Variants in KLF12 observed in about 807,000 individuals in gnomAD.
KLF12 encodes Krueppel-like factor 12.
In KLF12, 9 loss-of-function variants were observed where a neutral mutation model predicts 37.8. The observed-to-expected ratio is 0.24, with a 90% CI of 0.14 to 0.42. The LOEUF is 0.42. KLF12 is among the 10% of genes least tolerant of loss of function. The pLI is 1.00. For missense variants in KLF12, 411 were observed against 516.0 expected, an observed-to-expected ratio of 0.80 and a Z score of 1.97; for synonymous variants, 208 against 202.1, an observed-to-expected ratio of 1.03 and a Z score of -0.25.
chr13:73,996,313 A>C (rs1292468410), intron 1 of KLF12, among the ~76,000 whole-genome samples: 1 of 152,228 alleles, frequency 6.6e-6, no homozygotes, highest in African/African-American at 2.4e-5. Flanking sequence ...TCTATTTAAC[A>C]TGATTAAACC....
the KLF12 span, among the ~76,000 whole-genome samples, chr13:74,239,226 T>C: frequency 5.9e-5 from 9 of 152,098 alleles, no homozygotes; most frequent in African/African-American, 2.2e-4. Flanking sequence ...AGCAGGTTGT[T>C]CATTTTCCAT....
chr13:73,874,725 T>C (rs558466286), intron 3 of KLF12, among the ~76,000 whole-genome samples: 1 of 152,262 alleles, frequency 6.6e-6, no homozygotes, highest in African/African-American at 2.4e-5. Flanking sequence ...CCAATTCAAG[T>C]GACTGAAACT....
the KLF12 span, among the ~76,000 whole-genome samples, chr13:74,149,003 C>T: frequency 0.011 from 1,741 of 152,136 alleles, 37 homozygotes; most frequent in African/African-American, 0.038. Context: ...TTAGTAGAGA[C>T]GGGATTTCAG....
the KLF12 span, among the ~76,000 whole-genome samples, chr13:74,200,788 C>G: frequency 6.6e-6 from 1 of 151,962 alleles, no homozygotes; most frequent in Non-Finnish European, 1.5e-5. Flanking sequence ...AAAAACTGAG[C>G]GAATGGCCCT....
At chr13:73,906,088 A>C (rs1218459375) in intron 3 of KLF12, among the ~76,000 whole-genome samples, 2 of 152,146 alleles carry the variant, frequency 1.3e-5, no homozygotes, top group African/African-American at 4.8e-5. Flanking sequence ...CTCTCACCAC[A>C]ACGATTGTGA....
At chr13:73,985,156 A>C (rs370542757) in intron 2 of KLF12, among the ~76,000 whole-genome samples, 93 of 152,352 alleles carry the variant, frequency 6.1e-4, no homozygotes, top group African/African-American at 1.8e-3. Context: ...GAGAGTCTTC[A>C]TGATTGCAGT....
chr13:74,042,673 G>T (rs543686037), intron 1 of KLF12, among the ~76,000 whole-genome samples: 2 of 152,128 alleles, frequency 1.3e-5, no homozygotes, highest in African/African-American at 4.8e-5. Context: ...AGACAGATCC[G>T]ATAAGTATGT....
chr13:73,930,925 G>A (rs1315037986), intron 3 of KLF12, among the ~76,000 whole-genome samples: 4 of 143,678 alleles, frequency 2.8e-5, no homozygotes, highest in South Asian at 2.2e-4. Context: ...GTGCAATGGC[G>A]CGATCTCGGC....
the KLF12 span, among the ~76,000 whole-genome samples, chr13:74,220,506 G>C: frequency 6.6e-6 from 1 of 152,170 alleles, no homozygotes; most frequent in African/African-American, 2.4e-5. Flanking sequence ...ATAGGCATTA[G>C]CTCACATACC....
At chr13:73,916,752 C>T (rs1888868847) in intron 3 of KLF12, among the ~76,000 whole-genome samples, 1 of 152,082 alleles carries the variant, frequency 6.6e-6, no homozygotes, top group Non-Finnish European at 1.5e-5. Context: ...AAGGTAGAAG[C>T]TTTAGTGACA....
intron 1 of KLF12, among the ~76,000 whole-genome samples, chr13:74,043,283 A>G (rs1279279740): frequency 6.6e-6 from 1 of 152,242 alleles, no homozygotes; most frequent in Non-Finnish European, 1.5e-5. Flanking sequence ...CTTCAAAGGA[A>G]TATGTTTATT....
the KLF12 span, among the ~76,000 whole-genome samples, chr13:74,181,245 G>A: frequency 7.9e-4 from 120 of 151,486 alleles, no homozygotes; most frequent in East Asian, 1.4e-3. Context: ...TGATCCACCC[G>A]CTTCGGCTTC....
In KLF12 at chr13:73,695,501, T is replaced by C. The variant is rs755590689; in HGVS notation, c.1198A>G (p.Met400Val). The C allele has an allele frequency of 6.2e-6, 10 of 1,613,784 alleles. No homozygotes were observed. In the East Asian group the frequency reaches 1.3e-4, roughly 22 times the overall value. Residue 400 changes from methionine (M) to valine (V), a missense_variant, in exon 8 of 8, where the codon ATG (methionine) becomes GTG (valine). By Grantham distance (21) the Met-to-Val change is conservative. This residue lies in a region of KLF12 where 60 missense variants were observed against 118.2 expected (regional missense o/e 0.51). Coordinates refer to ENST00000377669, the MANE Select transcript of KLF12 (RefSeq NM_007249.5). The stretch of plus-strand genomic sequence containing the variant: ...ACAGGTAGCATTCCTCACACCAACA[T>C]ATGCCTCCGGCGGTGCAGGGCCAAA...
At chr13:73,731,634 C>T (rs1877070593) in intron 6 of KLF12, among the ~76,000 whole-genome samples, 1 of 150,168 alleles carries the variant, frequency 6.7e-6, no homozygotes, top group South Asian at 2.1e-4. Flanking sequence ...TGGCAGTTTA[C>T]ATACTTGATG....
chr13:73,881,976 C>T (rs1887003864), intron 3 of KLF12, among the ~76,000 whole-genome samples: 1 of 152,130 alleles, frequency 6.6e-6, no homozygotes, highest in Non-Finnish European at 1.5e-5. Context: ...CCAAAATAAA[C>T]AGCCTGATTT....
chr13:73,844,798 C>T (rs996754808), intron 4 of KLF12: 2 of 152,076 alleles, frequency 1.3e-5, no homozygotes, highest in African/African-American at 4.8e-5. Context: ...AATTACAGGC[C>T]TCAGTAGTAA....
intron 3 of KLF12, among the ~76,000 whole-genome samples, chr13:73,933,775 G>A (rs192333428): frequency 6.6e-6 from 1 of 151,992 alleles, no homozygotes; most frequent in African/African-American, 2.4e-5. Flanking sequence ...ATCCATATTT[G>A]CTCTCCTATA....
rs759146913 is a variant in KLF12, at chr13:73,715,362, C to T, written c.1027+6G>A. ...CTCACAGGTGAGAAGCCCTGCAGAG[C>T]GGTACCTGTATGTGTCCTCCGGTGA... is the stretch of plus-strand genomic sequence containing the variant. On this transcript the variant is annotated splice_donor_region_variant and intron_variant, in intron 7 of 7. Coordinates refer to ENST00000377669, the MANE Select transcript of KLF12 (RefSeq NM_007249.5). The T allele has an allele frequency of 2.4e-5, 39 of 1,611,194 alleles. No homozygotes were observed. The highest frequency in any genetic ancestry group is 5.3e-5 in the African/African-American group (4 of 74,864).
At chr13:74,108,947 T>C (rs961599327) in intron 1 of KLF12, among the ~76,000 whole-genome samples, 40 of 152,154 alleles carry the variant, frequency 2.6e-4, no homozygotes, top group African/African-American at 9.7e-4. Flanking sequence ...GTCAAGTATA[T>C]GTGAAAATTT....
Sources: gnomAD v4.1 joint callset for allele counts (sites outside exome capture counted in the v4.1 genomes callset) on GRCh38, gnomAD v4.1.1 for gene constraint, gnomAD v4.1.1 regional missense constraint, MANE v1.5 for transcripts, NCBI Gene and HGNC (gene_info 2026-07-23, HGNC 2026-07-21) for gene names.